The following NCALD variants were observed in gnomAD, a reference collection of about 807,000 sequenced individuals.
NCALD encodes neurocalcin-delta.
A neutral mutation model predicts 18.6 loss-of-function variants in NCALD; 10 were observed. The ratio of observed to expected loss-of-function variants is 0.54; its 90% CI spans 0.33 to 0.91. The LOEUF (loss-of-function observed/expected upper bound fraction) is 0.91. NCALD is among the 40% of genes least tolerant of loss of function. The probability of loss-of-function intolerance (pLI) is 0.03; values close to 1 mark genes in which losing one functional copy is unlikely to be tolerated. For synonymous variants in NCALD, 88 were observed against 87.4 expected (o/e 1.01, Z -0.04); for missense variants, 184 against 247.6 (o/e 0.74, Z 1.72).
At chr8:101,869,323 G>A (rs1815908906) in intron 4 of NCALD, among the ~76,000 whole-genome samples, 1 of 152,138 alleles carries the variant, frequency 6.6e-6, no homozygotes, top group Admixed American at 6.5e-5. Context: ...ATGTGGTGAT[G>A]GAAGTAAGAG....
At chr8:101,838,231 C>CTT (rs144359224) in intron 4 of NCALD, among the ~76,000 whole-genome samples, 5 of 151,390 alleles carry the variant, frequency 3.3e-5, no homozygotes, top group African/African-American at 9.7e-5. Context: ...CTTTTATTTT[C>CTT]TTTTTTTTTG....
chr8:101,777,117 C>T (rs1234849831), intron 1 of NCALD, among the ~76,000 whole-genome samples: 1 of 152,166 alleles, frequency 6.6e-6, no homozygotes, highest in African/African-American at 2.4e-5. Context: ...CTTCACATGA[C>T]TAAAAAGGAG....
chr8:102,110,124 C>T (rs1825595516), intron 1 of NCALD, among the ~76,000 whole-genome samples: 1 of 152,092 alleles, frequency 6.6e-6, no homozygotes, highest in African/African-American at 2.4e-5. Flanking sequence ...ACACTGGCTC[C>T]CTGGAAGAGG....
chr8:101,827,350 A>G (rs1269123806), intron 4 of NCALD, among the ~76,000 whole-genome samples: 1 of 152,186 alleles, frequency 6.6e-6, no homozygotes, highest in African/African-American at 2.4e-5. Flanking sequence ...GCCTCTGCAA[A>G]GACCCTTTTT....
At chr8:101,955,165 T>C (rs1819575869) in intron 2 of NCALD, among the ~76,000 whole-genome samples, 1 of 152,156 alleles carries the variant, frequency 6.6e-6, no homozygotes, top group Non-Finnish European at 1.5e-5. Context: ...AGAGAAAGTA[T>C]CGCCAAATGC....
chr8:101,876,653 TA>T (rs1458696071), intron 4 of NCALD, among the ~76,000 whole-genome samples: 1 of 152,218 alleles, frequency 6.6e-6, no homozygotes, highest in African/African-American at 2.4e-5. Flanking sequence ...GCATTTTGCT[TA>T]ATACCATGGC....
chr8:101,784,226 G>T (rs1812130588), intron 1 of NCALD, among the ~76,000 whole-genome samples: 1 of 152,088 alleles, frequency 6.6e-6, no homozygotes, highest in South Asian at 2.1e-4. Flanking sequence ...CTGGATGTCG[G>T]CTGAGACTTT....
chr8:101,941,119 C>A (rs1244310495), intron 2 of NCALD, among the ~76,000 whole-genome samples: 1 of 152,138 alleles, frequency 6.6e-6, no homozygotes, highest in Non-Finnish European at 1.5e-5. Context: ...ACATTTTAAA[C>A]AACAAAAGTA....
At chr8:101,726,338 C>A (rs1816573263) in intron 1 of NCALD, among the ~76,000 whole-genome samples, 1 of 152,104 alleles carries the variant, frequency 6.6e-6, no homozygotes, top group South Asian at 2.1e-4. Context: ...AGGGCAGAGC[C>A]AGGAAGACCA....
At chr8:101,853,973 C>T (rs1422158730) in intron 4 of NCALD, among the ~76,000 whole-genome samples, 2 of 152,084 alleles carry the variant, frequency 1.3e-5, no homozygotes, top group Non-Finnish European at 2.9e-5. Context: ...GCATGAGGCA[C>T]AAAGATGCAA....
At chr8:102,096,958 C>A (rs1376767980) in intron 1 of NCALD, among the ~76,000 whole-genome samples, 1 of 152,198 alleles carries the variant, frequency 6.6e-6, no homozygotes. Flanking sequence ...TCTTTAAAGA[C>A]CCTATCTTCA....
At chr8:101,876,355 T>G (rs577439912) in intron 4 of NCALD, among the ~76,000 whole-genome samples, 20 of 152,240 alleles carry the variant, frequency 1.3e-4, no homozygotes, top group Non-Finnish European at 2.4e-4. Context: ...TTGCTTTTGA[T>G]TATTATGAAC....
At chr8:101,967,868 T>C (rs758146715) in intron 2 of NCALD, among the ~76,000 whole-genome samples, 78 of 141,304 alleles carry the variant, frequency 5.5e-4, no homozygotes, top group African/African-American at 1.8e-3. Context: ...CACACACACA[T>C]GCACTCACCC....
intron 2 of NCALD, among the ~76,000 whole-genome samples, chr8:101,990,453 C>A (rs1320182368): frequency 1.3e-5 from 2 of 152,164 alleles, no homozygotes; most frequent in Admixed American, 6.5e-5. Context: ...AGTGTCCCCA[C>A]CCAAATCTCA....
At chr8:101,968,732 G>GT (rs774666816) in intron 2 of NCALD, among the ~76,000 whole-genome samples, 8 of 151,382 alleles carry the variant, frequency 5.3e-5, no homozygotes, top group Non-Finnish European at 8.8e-5. Flanking sequence ...TCACTCTCCT[G>GT]TAAAAAAAAA....
At chr8:101,904,296 G>A (rs775895725) in intron 3 of NCALD, among the ~76,000 whole-genome samples, 13 of 151,746 alleles carry the variant, frequency 8.6e-5, no homozygotes, top group East Asian at 3.9e-4. Context: ...GAGTTCCCCC[G>A]CCCCCGCTCC....
At chr8:101,804,651 G>A (rs1813026725) in intron 4 of NCALD, among the ~76,000 whole-genome samples, 2 of 115,948 alleles carry the variant, frequency 1.7e-5, no homozygotes, top group African/African-American at 3.6e-5. Context: ...TTATATATTA[G>A]TATAATATAA....
intron 3 of NCALD, among the ~76,000 whole-genome samples, chr8:101,910,085 C>G (rs1433434476): frequency 1.3e-5 from 2 of 152,078 alleles, no homozygotes; most frequent in African/African-American, 2.4e-5. Context: ...CAATCCTACA[C>G]TGAGACCTCA....
Position 101,687,594 on chromosome 8 carries a change from G to C in NCALD, c.*1715C>G, listed in dbSNP as rs1399862068. On this transcript the variant is annotated 3_prime_UTR_variant, in exon 4 of 4. Transcript: ENST00000220931. ...TATATAAAAACCTGGAGGTTAGCAT[G>C]TCTAGTCACATTTTTCTCCTGGTCA... is the stretch of plus-strand genomic sequence containing the variant. 1 of 152,306 alleles carries C rather than the reference G, an allele frequency of 6.6e-6. No homozygotes were observed. The highest frequency in any genetic ancestry group is 2.4e-5 in the African/African-American group (1 of 41,440). The allele number at this position is 152,306 out of a possible 1,614,324, so 9.4% of individuals were successfully genotyped here.
Sources: allele counts gnomAD v4.1 joint callset (sites outside exome capture counted in the v4.1 genomes callset), GRCh38; gene constraint gnomAD v4.1.1; transcripts MANE v1.5; gene names NCBI Gene and HGNC (gene_info 2026-07-23, HGNC 2026-07-21).